ADD2: variants seen among roughly 807,000 people sequenced by gnomAD.
ADD2 encodes beta-adducin.
A neutral mutation model predicts 83.0 loss-of-function variants in ADD2; 23 were observed. The observed-to-expected ratio is 0.28, with a 90% CI of 0.20 to 0.39. ADD2 has a LOEUF of 0.39. Ranked by LOEUF, ADD2 falls within the 10% of genes least tolerant of loss-of-function variation. The pLI is 1.00. For missense variants in ADD2, 758 were observed against 944.9 expected (o/e 0.80, Z 2.59); for synonymous variants, 375 against 375.4 (o/e 1.00, Z 0.01).
chr2:70,673,297 C>A, intron 14 of ADD2: 1 of 1,614,164 alleles, frequency 6.2e-7, no homozygotes, highest in Non-Finnish European at 8.5e-7. Context: ...ACGGCCGGAC[C>A]AGAGCCTGGC....
intron 1 of ADD2, among the ~76,000 whole-genome samples, chr2:70,745,933 T>C (rs1236090379): frequency 6.6e-6 from 1 of 152,236 alleles, no homozygotes; most frequent in East Asian, 1.9e-4. Flanking sequence ...ATAAGGACTG[T>C]TTTTATCTAA....
intron 6 of ADD2, among the ~76,000 whole-genome samples, chr2:70,693,714 G>A (rs782268425): frequency 6.6e-6 from 1 of 152,172 alleles, no homozygotes; most frequent in South Asian, 2.1e-4. Flanking sequence ...CTGCCCTCTG[G>A]TTTCCCTCAG....
chr2:70,751,875 G>A (rs1156291930), intron 1 of ADD2, among the ~76,000 whole-genome samples: 1 of 152,166 alleles, frequency 6.6e-6, no homozygotes, highest in Non-Finnish European at 1.5e-5. Context: ...GGAGCTTGAA[G>A]TCATTCTCTC....
At chr2:70,717,787 C>T (rs1216066207) in intron 1 of ADD2, 1 of 152,264 alleles carries the variant, frequency 6.6e-6, no homozygotes, top group Non-Finnish European at 1.5e-5. Context: ...GACTGGACCG[C>T]ACCCTGCCTG....
At chr2:70,664,297 G>A (rs140806780) in intron 15 of ADD2, among the ~76,000 whole-genome samples, 1 of 152,286 alleles carries the variant, frequency 6.6e-6, no homozygotes, top group Admixed American at 6.5e-5. Context: ...AGACATGTTA[G>A]TCAAAAGGGG....
At chr2:70,704,212 G>C in intron 4 of ADD2, 109 bp downstream of exon 4, 1 of 1,408,432 alleles carries the variant, frequency 7.1e-7, no homozygotes, top group Non-Finnish European at 9.6e-7. Flanking sequence ...ACAATGGGCT[G>C]CTTACTCCAT....
At chr2:70,688,305 T>C (rs1303166267) in intron 8 of ADD2, among the ~76,000 whole-genome samples, 183 bp from the exon 9 acceptor site, 1 of 152,252 alleles carries the variant, frequency 6.6e-6, no homozygotes, top group Non-Finnish European at 1.5e-5. Context: ...ACTCAAAGCA[T>C]CTACCCTAAG....
At chr2:70,739,455 G>A (rs782717926) in intron 1 of ADD2, among the ~76,000 whole-genome samples, 3 of 152,218 alleles carry the variant, frequency 2.0e-5, no homozygotes, top group Non-Finnish European at 4.4e-5. Context: ...TTGTCCAACC[G>A]TTGTGGAAAG....
chr2:70,708,464 C>T (rs1305061959), intron 2 of ADD2, among the ~76,000 whole-genome samples: 3 of 152,178 alleles, frequency 2.0e-5, no homozygotes, highest in Non-Finnish European at 2.9e-5. Context: ...TGAGCAGCCT[C>T]GGTTGAAATA....
Position 70,677,786 on chromosome 2 carries a change from G to T in ADD2, c.1475C>A (p.Pro492His). 1 of 1,614,226 alleles carries T rather than the reference G, an allele frequency of 6.2e-7. No individual in the cohort carries two copies. Among genetic ancestry groups the T allele is most frequent in the Non-Finnish European group, 8.5e-7 (1 of 1,180,046 alleles). The change falls in exon 12 of 16, where the codon CCC (proline) becomes CAC (histidine). Residue 492 changes from proline to histidine, a missense_variant. Pro to His is a moderately conservative substitution (Grantham distance 77). Around this residue, in one of 5 missense-constraint regions of ADD2, gnomAD observed 394 missense variants for 509.3 expected, o/e 0.77. Coordinates refer to ENST00000264436, the MANE Select transcript of ADD2 (RefSeq NM_001617.4). ...PNQFVPLYTD[P>H]QEVLEMRNKI... is the part of the protein sequence containing the mutation. ...GTTCCTCATCTCCAGTACTTCCTGGGGGTCAGTATAGAGAGGCACAAATTG... is the reference window on the plus strand; with the variant it reads ...GTTCCTCATCTCCAGTACTTCCTGGTGGTCAGTATAGAGAGGCACAAATTG...
intron 1 of ADD2, among the ~76,000 whole-genome samples, chr2:70,737,177 A>G (rs1553380322): frequency 6.6e-6 from 1 of 152,190 alleles, no homozygotes; most frequent in Non-Finnish European, 1.5e-5. Context: ...CGATTCCTCA[A>G]GGATCTAGAA....
intron 15 of ADD2, among the ~76,000 whole-genome samples, chr2:70,670,863 T>G (rs1192691124): frequency 1.3e-5 from 2 of 152,190 alleles, no homozygotes; most frequent in Non-Finnish European, 2.9e-5. Flanking sequence ...GCTCCCTAGC[T>G]CTGTCTGTTA....
rs2104113229 is a variant in ADD2 at position 70,658,778 on chromosome 2, G to A, written c.*4647C>T. On this transcript the variant is annotated 3_prime_UTR_variant, in exon 16 of 16. Transcript: ENST00000264436. Reference sequence around the variant, plus strand: ...TGTGTAAAATGAGTAAGGGGTAAATGTTCTCTCATTTGTTCACTAGTCAAG... The same window carrying A: ...TGTGTAAAATGAGTAAGGGGTAAATATTCTCTCATTTGTTCACTAGTCAAG... The A allele has an allele frequency of 6.6e-6, 1 of 152,294 alleles. No individual in the cohort carries two copies. Among genetic ancestry groups the A allele is most frequent in the South Asian group, 2.1e-4 (1 of 4,820 alleles). 9.4% of individuals were successfully genotyped at this position (152,294 alleles called of 1,614,324 possible). A position where few individuals can be genotyped will look rare whatever the true frequency, so the allele number is the denominator to read the frequency against.
chr2:70,708,497 T>C (rs1434074926), intron 2 of ADD2, among the ~76,000 whole-genome samples: 3 of 152,348 alleles, frequency 2.0e-5, no homozygotes, highest in Middle Eastern at 3.4e-3. Flanking sequence ...ATGTTAATGG[T>C]TGCAACATGT....
chr2:70,668,616 C>T (rs1669777744), intron 15 of ADD2, among the ~76,000 whole-genome samples: 1 of 152,254 alleles, frequency 6.6e-6, no homozygotes, highest in South Asian at 2.1e-4. Flanking sequence ...CTGCTGACGT[C>T]TGCCAAGTGA....
intron 15 of ADD2, among the ~76,000 whole-genome samples, chr2:70,670,582 T>C (rs1669855546): frequency 6.6e-6 from 1 of 152,114 alleles, no homozygotes; most frequent in Admixed American, 6.5e-5. Context: ...GAGAGGCTGA[T>C]GGGGTAGGAG....
Position 70,695,743 on chromosome 2 carries a change from C to T in ADD2, c.533G>A (p.Ser178Asn), listed in dbSNP as rs782788627. 4 of 1,614,184 alleles carry T rather than the reference C, an allele frequency of 2.5e-6. No individual in the cohort carries two copies. Among genetic ancestry groups the T allele is most frequent in the South Asian group, 2.2e-5 (2 of 91,074 alleles). Residue 178 changes from serine to asparagine, a missense_variant, in exon 6 of 16, where the codon AGT becomes AAT. Transcript: ENST00000264436. ...CACCAGGCTGGACGCTGTGACTTCACTGCAAGAAACTCCCTTAGGGCTGAT... is the reference window on the plus strand; with the variant it reads ...CACCAGGCTGGACGCTGTGACTTCATTGCAAGAAACTCCCTTAGGGCTGAT... Reference protein sequence around the residue: ...FLISPKGVSCSEVTASSLIKV... With the variant: ...FLISPKGVSCNEVTASSLIKV...
At chr2:70,740,892 G>A (rs914283938) in intron 1 of ADD2, among the ~76,000 whole-genome samples, 30 of 152,220 alleles carry the variant, frequency 2.0e-4, no homozygotes, top group African/African-American at 7.0e-4. Context: ...TAGAGACGGG[G>A]TTTCACCATG....
chr2:70,746,217 C>T lies in ADD2; in HGVS notation c.-154+21669G>A, dbSNP rs191064786. On this transcript the variant is annotated intron_variant, in intron 1 of 15. Coordinates refer to ENST00000264436, the MANE Select transcript of ADD2 (RefSeq NM_001617.4). ...ACCCCTTTGTGAGATTTTCTCTGAT[C>T]TCTGGAGCAGAATTAATAGGCCTCT... 5.5e-3 allele frequency among the ~76,000 whole-genome samples: 832 copies of T among 152,318 alleles called. 9 individuals are homozygous for T. Among genetic ancestry groups the T allele is most frequent in the African/African-American group, 0.019 (777 of 41,570 alleles).
Sources: allele counts gnomAD v4.1 joint callset (sites outside exome capture counted in the v4.1 genomes callset), GRCh38; gene constraint gnomAD v4.1.1; regional missense constraint gnomAD v4.1.1; transcripts MANE v1.5; gene names NCBI Gene and HGNC (gene_info 2026-07-23, HGNC 2026-07-21).